The following ALK variants were observed in gnomAD, a reference collection of about 807,000 sequenced individuals.
The protein encoded by ALK is ALK receptor tyrosine kinase.
In ALK, 74 loss-of-function variants were observed where a neutral mutation model predicts 163.1. The ratio of observed to expected loss-of-function variants is 0.45; its 90% CI spans 0.38 to 0.55. The LOEUF is 0.55. Ranked by LOEUF, ALK falls within the 20% of genes least tolerant of loss-of-function variation. ALK has a pLI of 0.00. For missense variants in ALK, 2,063 were observed against 2,105.3 expected (o/e 0.98, Z 0.39); for synonymous variants, 960 against 843.2 (o/e 1.14, Z -2.40).
intron 8 of ALK, among the ~76,000 whole-genome samples, chr2:29,306,365 T>G (rs911023261): frequency 1.3e-5 from 2 of 152,120 alleles, no homozygotes; most frequent in African/African-American, 4.8e-5. Flanking sequence ...ATACATGGAG[T>G]GCAATGCCCA....
chr2:29,585,915 T>G (rs990314401), intron 3 of ALK, among the ~76,000 whole-genome samples: 1 of 152,132 alleles, frequency 6.6e-6, no homozygotes, highest in Non-Finnish European at 1.5e-5. Flanking sequence ...ACATAACTAC[T>G]ATGAGAATTA....
At chr2:29,892,859 G>T (rs933607992) in intron 1 of ALK, among the ~76,000 whole-genome samples, 2 of 152,162 alleles carry the variant, frequency 1.3e-5, no homozygotes, top group African/African-American at 4.8e-5. Context: ...AGAATGACTT[G>T]TGGATACTCA....
chr2:29,798,176 A>C (rs1490219930), intron 1 of ALK, among the ~76,000 whole-genome samples: 1 of 152,240 alleles, frequency 6.6e-6, no homozygotes, highest in Non-Finnish European at 1.5e-5. Flanking sequence ...TAAATCCAAA[A>C]GGAAATAACC....
intron 3 of ALK, among the ~76,000 whole-genome samples, chr2:29,691,699 C>CG (rs1218547278): frequency 2.0e-5 from 3 of 151,908 alleles, no homozygotes; most frequent in Non-Finnish European, 4.4e-5. Flanking sequence ...CCTCTCCCCC[C>CG]CTTCTTTTTT....
intron 1 of ALK, among the ~76,000 whole-genome samples, chr2:29,803,525 CTGTT>C (rs1664536996): frequency 1.3e-5 from 2 of 152,252 alleles, no homozygotes; most frequent in Admixed American, 6.5e-5. Flanking sequence ...ATATCCGCCT[CTGTT>C]TAGAGAGAAA....
intron 4 of ALK, among the ~76,000 whole-genome samples, chr2:29,519,788 T>C (rs1463732128): frequency 1.3e-5 from 2 of 152,208 alleles, no homozygotes; most frequent in Non-Finnish European, 2.9e-5. Flanking sequence ...GAAATCACTC[T>C]GAGGCCTGCA....
intron 4 of ALK, among the ~76,000 whole-genome samples, chr2:29,385,004 T>C (rs1352329490): frequency 6.6e-6 from 1 of 151,708 alleles, no homozygotes; most frequent in Non-Finnish European, 1.5e-5. Context: ...TGAGCAGAGA[T>C]CGCCACTGCA....
chr2:29,654,025 T>TCCAG (rs1677108316), intron 3 of ALK, among the ~76,000 whole-genome samples: 1 of 152,142 alleles, frequency 6.6e-6, no homozygotes, highest in South Asian at 2.1e-4. Context: ...ACCACTGCAC[T>TCCAG]CCAGCCTGGG....
intron 1 of ALK, among the ~76,000 whole-genome samples, chr2:29,739,930 C>A (rs1032470260): frequency 6.6e-6 from 1 of 152,068 alleles, no homozygotes; most frequent in Non-Finnish European, 1.5e-5. Context: ...AAGGATGCAA[C>A]TAGAAATGTG....
chr2:29,604,597 T>G (rs1675488297), intron 3 of ALK, among the ~76,000 whole-genome samples: 1 of 152,190 alleles, frequency 6.6e-6, no homozygotes, highest in African/African-American at 2.4e-5. Context: ...AAAGCCACTT[T>G]GAACACCTCC....
intron 3 of ALK, among the ~76,000 whole-genome samples, chr2:29,562,979 A>C (rs1039182983): frequency 1.3e-5 from 2 of 152,150 alleles, no homozygotes; most frequent in Non-Finnish European, 2.9e-5. Flanking sequence ...CTGCATGGAG[A>C]GGCCATTTAA....
chr2:29,375,054 T>C (rs890222396), intron 5 of ALK, among the ~76,000 whole-genome samples: 1 of 152,180 alleles, frequency 6.6e-6, no homozygotes, highest in Non-Finnish European at 1.5e-5. Context: ...ATTAGGTCAA[T>C]AATTAACATC....
rs184897401 is a variant in ALK at position 29,216,277 on chromosome 2, G to T, written c.3646-2196C>A. Reference sequence around the variant, plus strand: ...CATGGTGGGTTTGCAGGATGGAAGAGCGAAATATCTTTTTGCTCTTCAGGA... The same window carrying T: ...CATGGTGGGTTTGCAGGATGGAAGATCGAAATATCTTTTTGCTCTTCAGGA... On this transcript the variant is annotated intron_variant, in intron 23 of 28. Coordinates refer to ENST00000389048, the MANE Select transcript of ALK (RefSeq NM_004304.5). Among the ~76,000 whole-genome samples, 33 of 152,292 alleles carry T rather than the reference G, an allele frequency of 2.2e-4. 1 individual carries two copies. In the East Asian group the frequency reaches 3.7e-3, roughly 17 times the overall value.
chr2:29,355,984 G>A (rs1668236837), intron 5 of ALK, among the ~76,000 whole-genome samples: 1 of 152,102 alleles, frequency 6.6e-6, no homozygotes, highest in African/African-American at 2.4e-5. Flanking sequence ...CTTATAATCA[G>A]CCATCATGGG....
chr2:29,449,010 T>A (rs1419893580), intron 4 of ALK, among the ~76,000 whole-genome samples: 2 of 152,154 alleles, frequency 1.3e-5, no homozygotes, highest in East Asian at 3.9e-4. Context: ...AATCATGACA[T>A]CCACTGCTTG....
At chr2:29,447,487 A>T (rs941222646) in intron 4 of ALK, among the ~76,000 whole-genome samples, 3 of 152,226 alleles carry the variant, frequency 2.0e-5, no homozygotes, top group African/African-American at 7.2e-5. Context: ...CGTGTTTATT[A>T]TAACTCAGTC....
chr2:29,810,458 A>T (rs1321001402), intron 1 of ALK, among the ~76,000 whole-genome samples: 1 of 151,924 alleles, frequency 6.6e-6, no homozygotes, highest in South Asian at 2.1e-4. Flanking sequence ...TCATACTATC[A>T]AATGTTATCA....
intron 1 of ALK, among the ~76,000 whole-genome samples, chr2:29,896,863 G>A (rs1667285852): frequency 6.6e-6 from 1 of 152,196 alleles, no homozygotes; most frequent in South Asian, 2.1e-4. Context: ...GCAGGTTTCT[G>A]TATTGTGTAA....
chr2:29,847,785 G>A (rs932054113), intron 1 of ALK, among the ~76,000 whole-genome samples: 2 of 151,864 alleles, frequency 1.3e-5, no homozygotes, highest in African/African-American at 2.4e-5. Context: ...ATTGGCAGGG[G>A]AAGGGGTAAA....
Sources: allele counts gnomAD v4.1 joint callset (sites outside exome capture counted in the v4.1 genomes callset), GRCh38; gene constraint gnomAD v4.1.1; transcripts MANE v1.5; gene names NCBI Gene and HGNC (gene_info 2026-07-23, HGNC 2026-07-21).